CR1: variants seen among roughly 807,000 people sequenced by gnomAD.
CR1 encodes the protein complement receptor type 1.
Under a neutral mutation model 187.3 loss-of-function variants are expected in CR1, and 116 were observed. The ratio of observed to expected loss-of-function variants is 0.62; its 90% CI spans 0.53 to 0.72. The LOEUF (loss-of-function observed/expected upper bound fraction) is 0.72, where lower values mean the gene tolerates loss of function less well. CR1 is among the 30% of genes least tolerant of loss of function. The probability of loss-of-function intolerance (pLI) is 0.00; values close to 1 mark genes in which losing one functional copy is unlikely to be tolerated. For synonymous variants in CR1, 576 were observed against 747.1 expected (o/e 0.77, Z 3.73); for missense variants, 1,731 against 2,110.7 (o/e 0.82, Z 3.52).
intron 35 of CR1, among the ~76,000 whole-genome samples, chr1:207,589,131 C>T (rs957177573): frequency 3.4e-4 from 52 of 152,292 alleles, no homozygotes; most frequent in African/African-American, 1.3e-3. Flanking sequence ...GTAGGTAATA[C>T]AGTTGAGTTG....
intron 36 of CR1, among the ~76,000 whole-genome samples, chr1:207,608,865 A>T (rs150092958): frequency 9.9e-4 from 151 of 152,176 alleles, no homozygotes; most frequent in African/African-American, 3.5e-3. Context: ...CCATTATTTC[A>T]TTTCTCATGC....
chr1:207,584,863 T>G lies in CR1; in HGVS notation c.5517T>G (p.Leu1839=). Residue 1839 remains leucine, a synonymous_variant, in exon 33 of 47, where the codon CTT becomes CTG. Coordinates refer to ENST00000367049, the MANE Select transcript of CR1 (RefSeq NM_000651.6). ...VWSSPAPRCE[L]SVRAGHCKTP... is the part of the protein sequence containing the mutation. ...GCAGCCCTGCCCCTCGCTGTGAACTTTCTGTTCGTGCTGGTCAGTATCCAC... is the reference window on the plus strand; with the variant it reads ...GCAGCCCTGCCCCTCGCTGTGAACTGTCTGTTCGTGCTGGTCAGTATCCAC... The G allele has an allele frequency of 6.2e-7, 1 of 1,613,946 alleles. No homozygotes were observed. The highest frequency in any genetic ancestry group is 8.5e-7 in the Non-Finnish European group (1 of 1,179,842).
At chr1:207,575,793 T>G in intron 28 of CR1, 113 bp downstream of exon 28, 1 of 1,526,768 alleles carries the variant, frequency 6.5e-7, no homozygotes, top group African/African-American at 1.4e-5. Flanking sequence ...TTCTGATATT[T>G]GAAGAATCTA....
chr1:207,617,424 G>T (rs1662131965), intron 41 of CR1, among the ~76,000 whole-genome samples: 1 of 140,200 alleles, frequency 7.1e-6, no homozygotes, highest in South Asian at 2.3e-4. Context: ...AACCAATATG[G>T]CACATGTATA....
chr1:207,611,876 A>G, intron 38 of CR1, 23 bp downstream of exon 38: 1 of 1,613,852 alleles, frequency 6.2e-7, no homozygotes, highest in Non-Finnish European at 8.5e-7. Context: ...TCTGGCTTCC[A>G]GATTGCTCTG....
At chr1:207,599,213 A>T (rs936771231) in intron 35 of CR1, among the ~76,000 whole-genome samples, 2 of 152,254 alleles carry the variant, frequency 1.3e-5, no homozygotes, top group African/African-American at 2.4e-5. Flanking sequence ...AAGGAAACAT[A>T]AAAATGGCCT....
intron 27 of CR1, among the ~76,000 whole-genome samples, chr1:207,573,735 G>C (rs1477382180): frequency 4.6e-5 from 7 of 152,054 alleles, no homozygotes; most frequent in Non-Finnish European, 4.4e-5. Flanking sequence ...TCATACATGT[G>C]ATCTATATCA....
At chr1:207,522,835 G>A (rs1660038433) in intron 4 of CR1, among the ~76,000 whole-genome samples, 1 of 151,966 alleles carries the variant, frequency 6.6e-6, no homozygotes, top group South Asian at 2.1e-4. Flanking sequence ...TTGGGATTTG[G>A]GTTGAAGAAA....
chr1:207,589,743 C>T (rs1661215995), intron 35 of CR1, among the ~76,000 whole-genome samples: 1 of 152,160 alleles, frequency 6.6e-6, no homozygotes, highest in Admixed American at 6.5e-5. Context: ...GAATTACTAA[C>T]TAGAATAACC....
chr1:207,587,398 C>G lies in CR1; in HGVS notation c.5543C>G (p.Thr1848Ser). Residue 1848 changes from threonine to serine, a missense_variant, in exon 34 of 47, where the codon ACC (threonine) becomes AGC (serine). Transcript: ENST00000367049. The part of the protein sequence containing the change: ...ELSVRAGHCK[T>S]PEQFPFASPT... ...TTTTTCTCTCCAGGTCACTGTAAAA[C>G]CCCAGAGCAGTTTCCATTTGCCAGT... is the stretch of plus-strand genomic sequence containing the variant. 6.2e-7 allele frequency: 1 copy of G among 1,613,048 alleles called. No individual in the cohort carries two copies. Among genetic ancestry groups the G allele is most frequent in the Non-Finnish European group, 8.5e-7 (1 of 1,179,370 alleles).
intron 45 of CR1, among the ~76,000 whole-genome samples, chr1:207,628,707 A>G (rs1203426210): frequency 6.6e-6 from 1 of 152,248 alleles, no homozygotes; most frequent in African/African-American, 2.4e-5. Context: ...GAAATTCAGT[A>G]TCCAGAACTG....
At chr1:207,622,899 T>C (rs1662355111) in intron 44 of CR1, 94 bp from the exon 45 acceptor site, 3 of 822,800 alleles carry the variant, frequency 3.6e-6, no homozygotes, top group Non-Finnish European at 5.7e-6. Flanking sequence ...AAAAAAAGCA[T>C]TGGCAATCTG....
intron 42 of CR1, among the ~76,000 whole-genome samples, chr1:207,619,389 AAAAAAG>A (rs1268563085): frequency 3.3e-5 from 5 of 151,622 alleles, no homozygotes; most frequent in East Asian, 1.9e-4. Flanking sequence ...AAAAAAAAAA[AAAAAAG>A]AAAAAGAAAA....
At chr1:207,616,005 T>C (rs146325670) in intron 40 of CR1, among the ~76,000 whole-genome samples, 3 of 152,248 alleles carry the variant, frequency 2.0e-5, no homozygotes, top group African/African-American at 7.2e-5. Flanking sequence ...TGGCTAATAA[T>C]TGGAAGAAAT....
At chr1:207,596,917 G>C (rs934112592) in intron 35 of CR1, among the ~76,000 whole-genome samples, 24 of 148,236 alleles carry the variant, frequency 1.6e-4, no homozygotes, top group African/African-American at 4.9e-4. Context: ...CTGGTGTAAA[G>C]TACTATTTTC....
chr1:207,598,248 T>C (rs1318647141), intron 35 of CR1, among the ~76,000 whole-genome samples: 1 of 152,084 alleles, frequency 6.6e-6, no homozygotes, highest in Non-Finnish European at 1.5e-5. Flanking sequence ...TTATGTTGTA[T>C]CTCTTTTAAA....
At chr1:207,620,730 T>G (rs921191028) in intron 43 of CR1, among the ~76,000 whole-genome samples, 2 of 152,194 alleles carry the variant, frequency 1.3e-5, no homozygotes, top group African/African-American at 4.8e-5. Flanking sequence ...GCAGATAATA[T>G]TTCTAAATTA....
intron 35 of CR1, chr1:207,598,971 G>C (rs1661529934): frequency 6.6e-6 from 1 of 152,180 alleles, no homozygotes; most frequent in Non-Finnish European, 1.5e-5. Context: ...GGGAGAAAGA[G>C]GATGGTCACC....
At chr1:207,588,965 G>A (rs1286883750) in intron 35 of CR1, among the ~76,000 whole-genome samples, 191 bp downstream of exon 35, 1 of 152,178 alleles carries the variant, frequency 6.6e-6, no homozygotes, top group African/African-American at 2.4e-5. Flanking sequence ...GGTACAATAT[G>A]TATTGTATTG....
Sources: allele counts gnomAD v4.1 joint callset (sites outside exome capture counted in the v4.1 genomes callset), GRCh38; gene constraint gnomAD v4.1.1; transcripts MANE v1.5; gene names NCBI Gene and HGNC (gene_info 2026-07-23, HGNC 2026-07-21).